TCHH: variants seen among roughly 807,000 people sequenced by gnomAD.
TCHH encodes trichohyalin.
TCHH carries 6 observed loss-of-function variants against 6.3 expected under a neutral mutation model. The ratio of observed to expected loss-of-function variants is 0.95; its 90% CI spans 0.52 to 1.88. The LOEUF (loss-of-function observed/expected upper bound fraction) is 1.88. Among genes scored for constraint, TCHH ranks in the 40% most tolerant of loss-of-function variants. TCHH has a pLI of 0.01. For synonymous variants in TCHH, 1,087 were observed against 963.6 expected (o/e 1.13, Z -2.37); for missense variants, 2,920 against 2,449.1 (o/e 1.19, Z -4.06).
At position 152,110,347 on chromosome 1, in the gene TCHH, T is replaced by C. The variant is rs1256517070; in HGVS notation, c.2870A>G (p.Glu957Gly). 1 of 1,611,216 alleles carries C rather than the reference T, an allele frequency of 6.2e-7. No homozygotes were observed. Among genetic ancestry groups the C allele is most frequent in the South Asian group, 1.1e-5 (1 of 90,516 alleles). ...CTTCTTATCCTTCCGATATTGCCTTTCCCGCTCCTGGCGTCTTCTTTTCTC... is the reference window on the plus strand; with the variant it reads ...CTTCTTATCCTTCCGATATTGCCTTCCCCGCTCCTGGCGTCTTCTTTTCTC... ...EREKRRRQER[E>G]RQYRKDKKLQ... Residue 957 changes from glutamate to glycine, a missense_variant, in exon 3 of 3, where the codon GAA becomes GGA. By Grantham distance (98) the Glu-to-Gly change is moderately conservative (BLOSUM62 -2). Transcript: ENST00000614923.
rs1413882842 is a variant in TCHH, at chr1:152,108,289, C to T, written c.4928G>A (p.Arg1643Lys). The change falls in exon 3 of 3, where the codon AGA becomes AAA. Residue 1643 changes from arginine to lysine, a missense_variant. Arg to Lys is a conservative substitution (Grantham distance 26, BLOSUM62 2). Coordinates refer to ENST00000614923, the MANE Select transcript of TCHH (RefSeq NM_007113.4). ...CTGCGGTTCCTCCTCGAGGAATTTT[C>T]TGTCACGCTCTTGGCGGTGCAGCTG... ...EQQLHRQERD[R>K]KFLEEEPQLR... 3 of 1,613,030 alleles carry T rather than the reference C, an allele frequency of 1.9e-6. No individual in the cohort carries two copies. Among genetic ancestry groups the T allele is most frequent in the Non-Finnish European group, 2.5e-6 (3 of 1,179,744 alleles).
In TCHH at chr1:152,107,482, A is replaced by C; in HGVS notation, c.5735T>G (p.Leu1912Arg). ...KSQEGKGHGR[L>R]LEPGTHQFAS... ...AAACTGATGAGTGCCGGGCTCCAGA[A>C]GCCGCCCATGGCCCTTCCCTTCTTG... is the stretch of plus-strand genomic sequence containing the variant. Residue 1912 changes from leucine (L) to arginine (R), a missense_variant, in exon 3 of 3, where the codon CTT (leucine) becomes CGT (arginine). Transcript: ENST00000614923. 1 of 1,614,186 alleles carries C rather than the reference A, an allele frequency of 6.2e-7. No individual in the cohort carries two copies. The highest frequency in any genetic ancestry group is 1.3e-5 in the African/African-American group (1 of 75,048).
chr1:152,109,685 G>C lies in TCHH; in HGVS notation c.3532C>G (p.Gln1178Glu), dbSNP rs1025408511. The change falls in exon 3 of 3, where the codon CAG (glutamine) becomes GAG (glutamate). Residue 1178 changes from glutamine (Q) to glutamate (E), a missense_variant. Transcript: ENST00000614923. ...RQYREEEELQ[Q>E]EEEQLLREEQ... is the part of the protein sequence containing the mutation. ...TCTCTCAGCAGCTGCTCTTCCTCCT[G>C]CTGCAGCTCCTCTTCCTCGCGGTAT... is the stretch of plus-strand genomic sequence containing the variant. 1.2e-6 allele frequency: 2 copies of C among 1,606,318 alleles called. No individual in the cohort carries two copies. The highest frequency in any genetic ancestry group is 1.7e-6 in the Non-Finnish European group (2 of 1,176,486).
intron 2 of TCHH, among the ~76,000 whole-genome samples, chr1:152,113,496 GAGAT>G (rs1408441264): frequency 2.0e-5 from 3 of 152,230 alleles, no homozygotes; most frequent in Non-Finnish European, 4.4e-5. Flanking sequence ...ATCCTTGAGA[GAGAT>G]ACAATAGAAA....
At position 152,108,009 on chromosome 1, in the gene TCHH, C is replaced by T. The variant is rs758041928; in HGVS notation, c.5208G>A (p.Glu1736=). The change falls in exon 3 of 3, where the codon GAG becomes GAA. Residue 1736 remains glutamate, a synonymous_variant. Transcript: ENST00000614923. The part of the protein sequence containing the change: ...REEEQLRQET[E]QEQLRRQERY... ...GTTCTTGGCGGCGCAGCTGCTCTTG[C>T]TCCGTTTCTTGGCGCAGCTGTTCCT... 11 of 1,612,576 alleles carry T rather than the reference C, an allele frequency of 6.8e-6. No individual in the cohort carries two copies. Among genetic ancestry groups the T allele is most frequent in the Middle Eastern group, 1.6e-4 (1 of 6,072 alleles).
rs761449523 is a variant in TCHH, at chr1:152,112,882, TC to T, written c.334del (p.Asp112IlefsTer37). 6.2e-7 allele frequency: 1 copy of T among 1,613,948 alleles called. No homozygotes were observed. The highest frequency in any genetic ancestry group is 8.5e-7 in the Non-Finnish European group (1 of 1,180,006). On this transcript the variant is annotated frameshift_variant, in exon 3 of 3. Coordinates refer to ENST00000614923, the MANE Select transcript of TCHH (RefSeq NM_007113.4). LOFTEE classifies it low-confidence loss of function (END_TRUNC). ...CCTTTGGTCTTCTTCTTGCCTGCGA[TC>T]TTGTAACAGGCTCTCCTTTCCGTCA... Reference protein sequence around the residue: ...RCDGKESLLQDRRQEEDQRRF... With the variant: ...RCDGKESLLQXRRQEEDQRRF...
chr1:152,113,331 C>T (rs1658437026), intron 2 of TCHH, among the ~76,000 whole-genome samples: 1 of 152,120 alleles, frequency 6.6e-6, no homozygotes. Flanking sequence ...AAGAGAGACA[C>T]AAAGTAGAAT....
chr1:152,114,106 G>A lies in TCHH; in HGVS notation c.-26C>T. The A allele has an allele frequency of 6.3e-7, 1 of 1,592,538 alleles. No homozygotes were observed. Among genetic ancestry groups the A allele is most frequent in the Non-Finnish European group, 8.5e-7 (1 of 1,173,440 alleles). ...TTTTTTTTCTTTCCTTCAAGTTCAA[G>A]TAAACCTAGAACAATAAAATAAGAT... On this transcript the variant is annotated 5_prime_UTR_variant, in exon 2 of 3. Transcript: ENST00000614923.
chr1:152,111,215 G>A lies in TCHH; in HGVS notation c.2002C>T (p.Leu668Phe), dbSNP rs1658331328. 1 of 1,610,178 alleles carries A rather than the reference G, an allele frequency of 6.2e-7. No homozygotes were observed. Among genetic ancestry groups the A allele is most frequent in the Non-Finnish European group, 8.5e-7 (1 of 1,178,782 alleles). Residue 668 changes from leucine (L) to phenylalanine (F), a missense_variant, in exon 3 of 3, where the codon CTC (leucine) becomes TTC (phenylalanine). Leu to Phe is a conservative substitution (Grantham distance 22). Transcript: ENST00000614923. ...RLKREEEEERLEQRLKREHEE... is the reference protein window; with the variant it reads ...RLKREEEEERFEQRLKREHEE... Reference sequence around the variant, plus strand: ...TGCTCGCGCTTCAGCCGCTGCTCGAGCCTCTCTTCCTCCTCCTCGCGCTTC... The same window carrying A: ...TGCTCGCGCTTCAGCCGCTGCTCGAACCTCTCTTCCTCCTCCTCGCGCTTC...
Position 152,108,773 on chromosome 1 carries a change from C to G in TCHH, c.4444G>C (p.Glu1482Gln). ...EREEQQLHRQ[E>Q]RDRKFLEEEQ... Reference sequence around the variant, plus strand: ...TCCTCCAGGAATTTTCTGTCACGCTCTTGGCGGTGCAGCTGCTGTTCTTCC... The same window carrying G: ...TCCTCCAGGAATTTTCTGTCACGCTGTTGGCGGTGCAGCTGCTGTTCTTCC... Residue 1482 changes from glutamate to glutamine, a missense_variant, in exon 3 of 3, where the codon GAG becomes CAG. By Grantham distance (29) the Glu-to-Gln change is conservative. Transcript: ENST00000614923. The G allele has an allele frequency of 1.9e-6, 3 of 1,613,514 alleles. No homozygotes were observed. The highest frequency in any genetic ancestry group is 2.5e-6 in the Non-Finnish European group (3 of 1,179,912).
At position 152,107,623 on chromosome 1, in the gene TCHH, C is replaced by T. The variant is rs1334161241; in HGVS notation, c.5594G>A (p.Trp1865Ter). 1 of 1,614,000 alleles carries T rather than the reference C, an allele frequency of 6.2e-7. No individual in the cohort carries two copies. The highest frequency in any genetic ancestry group is 8.5e-7 in the Non-Finnish European group (1 of 1,180,048). Residue 1865 changes from tryptophan (W) to a stop codon, truncating the protein, a stop_gained, in exon 3 of 3, where the codon TGG becomes TAG. Coordinates refer to ENST00000614923, the MANE Select transcript of TCHH (RefSeq NM_007113.4). LOFTEE classifies it low-confidence loss of function (END_TRUNC). Reference sequence around the variant, plus strand: ...GCGACGTTTCTGCTCCTCTTCTTGCCATAGTTCTTGTTCCTCACGACGACT... The same window carrying T: ...GCGACGTTTCTGCTCCTCTTCTTGCTATAGTTCTTGTTCCTCACGACGACT... ...EKSRREEQEL[W>*]QEEEQKRRQE...
rs536719010 is a variant in TCHH at position 152,107,126 on chromosome 1, T to A, written c.*259A>T. 2.7e-4 allele frequency: 91 copies of A among 340,992 alleles called. No homozygotes were observed. Among genetic ancestry groups the A allele is most frequent in the African/African-American group, 6.1e-4 (29 of 47,412 alleles). 21.1% of individuals were successfully genotyped at this position (340,992 alleles called of 1,614,324 possible). On this transcript the variant is annotated 3_prime_UTR_variant, in exon 3 of 3. Coordinates refer to ENST00000614923, the MANE Select transcript of TCHH (RefSeq NM_007113.4). Reference sequence around the variant, plus strand: ...CTTAAACAAATTAAATGATTTATATTTTTTTTAAATGCACACCACATCTGC... The same window carrying A: ...CTTAAACAAATTAAATGATTTATATATTTTTTAAATGCACACCACATCTGC...
At position 152,108,561 on chromosome 1, in the gene TCHH, GTCCTGACGCCGCTGTTGCCCGCGC is replaced by G; in HGVS notation, c.4632_4655del (p.Glu1544_Gln1551del). The stretch of plus-strand genomic sequence containing the variant: ...CCTCCTCGCGGAATTTTCTGTCACG[GTCCTGACGCCGCTGTTGCCCGCGC>G]TCCTGGCGGCGCAGCTGCTGTTCCT... On this transcript the variant is annotated inframe_deletion, in exon 3 of 3. Coordinates refer to ENST00000614923, the MANE Select transcript of TCHH (RefSeq NM_007113.4). The G allele has an allele frequency of 1.3e-6, 2 of 1,582,396 alleles. No individual in the cohort carries two copies. Among genetic ancestry groups the G allele is most frequent in the Non-Finnish European group, 1.7e-6 (2 of 1,168,204 alleles).
Position 152,112,456 on chromosome 1 carries a change from C to T in TCHH, c.761G>A (p.Arg254Gln), listed in dbSNP as rs1658410516. 3.1e-6 allele frequency: 5 copies of T among 1,613,550 alleles called. No homozygotes were observed. Among genetic ancestry groups the T allele is most frequent in the Non-Finnish European group, 3.4e-6 (4 of 1,179,990 alleles). Reference protein sequence around the residue: ...KEWRKRETVLRKEEEKLQEEE... With the variant: ...KEWRKRETVLQKEEEKLQEEE... ...TTCCTGCAACTTCTCTTCTTCCTTC[C>T]GGAGCACTGTCTCGCGCTTCCTCCA... Residue 254 changes from arginine (R) to glutamine (Q), a missense_variant, in exon 3 of 3, where the codon CGG (arginine) becomes CAG (glutamine). Arg to Gln is a conservative substitution (Grantham distance 43). Transcript: ENST00000614923.
chr1:152,110,483 C>G lies in TCHH; in HGVS notation c.2734G>C (p.Glu912Gln). Reference protein sequence around the residue: ...EQQLLQEEEEELQREEREKRR... With the variant: ...EQQLLQEEEEQLQREEREKRR... ...TTCTCGCGCTCCTCTCTCTGTAGCT[C>G]CTCCTCCTCCTCCTGCAGCAGCTGC... The change falls in exon 3 of 3, where the codon GAG (glutamate) becomes CAG (glutamine). Residue 912 changes from glutamate to glutamine, a missense_variant. Coordinates refer to ENST00000614923, the MANE Select transcript of TCHH (RefSeq NM_007113.4). The G allele has an allele frequency of 6.2e-7, 1 of 1,610,676 alleles. No individual in the cohort carries two copies. Among genetic ancestry groups the G allele is most frequent in the Middle Eastern group, 1.7e-4 (1 of 6,050 alleles).
In TCHH at chr1:152,109,794, C is replaced by A; in HGVS notation, c.3423G>T (p.Arg1141=). 6.3e-7 allele frequency: 1 copy of A among 1,582,342 alleles called. No individual in the cohort carries two copies. The highest frequency in any genetic ancestry group is 8.6e-7 in the Non-Finnish European group (1 of 1,162,140). ...RRRQELERQY[R]EEEEVQQEEE... ...CCTCCTGCTGCACCTCCTCTTCCTC[C>A]CGATATTGCCTCTCCAGCTCCTGGC... The change falls in exon 3 of 3, where the codon CGG becomes CGT. Residue 1141 remains arginine, a synonymous_variant. Coordinates refer to ENST00000614923, the MANE Select transcript of TCHH (RefSeq NM_007113.4).
Position 152,108,940 on chromosome 1 carries a change from TGGC to T in TCHH, c.4274_4276del (p.Arg1425del), listed in dbSNP as rs748270975. ...TTCACGGAATTTTCTGTCACGCTCT[TGGC>T]GGCTCAGCTGCTGTTCCTCCTCGCG... On this transcript the variant is annotated inframe_deletion, in exon 3 of 3. Coordinates refer to ENST00000614923, the MANE Select transcript of TCHH (RefSeq NM_007113.4). 4 of 1,613,306 alleles carry T rather than the reference TGGC, an allele frequency of 2.5e-6. No individual in the cohort carries two copies. The African/African-American group carries it at 5.4e-5, about 22-fold the overall frequency.
chr1:152,111,429 C>T lies in TCHH; in HGVS notation c.1788G>A (p.Glu596=), dbSNP rs757015941. 2.7e-5 allele frequency: 43 copies of T among 1,610,364 alleles called. No homozygotes were observed. The Middle Eastern group carries it at 6.6e-4, about 25-fold the overall frequency. Residue 596 remains glutamate, a synonymous_variant, in exon 3 of 3, where the codon GAG becomes GAA. Transcript: ENST00000614923. The part of the protein sequence containing the change: ...RQQRLKREQE[E]RLEQRLKREE... Reference sequence around the variant, plus strand: ...CGCGCTTCAGTCGCTGCTCGAGCCTCTCTTCCTGCTCGCGCTTCAGCCGCT... The same window carrying T: ...CGCGCTTCAGTCGCTGCTCGAGCCTTTCTTCCTGCTCGCGCTTCAGCCGCT...
rs144030050 is a variant in TCHH at position 152,110,285 on chromosome 1, G to A, written c.2932C>T (p.Pro978Ser). 7.0e-4 allele frequency: 1,135 copies of A among 1,610,272 alleles called. 3 individuals are homozygous for A. Among genetic ancestry groups the A allele is most frequent in the Middle Eastern group, 3.0e-3 (18 of 6,040 alleles). ...QKEEQLLGEE[P>S]EKRRRQEREK... is the part of the protein sequence containing the mutation. ...CGCTCCTGGCGCCTTCTCTTCTCCG[G>A]TTCCTCTCCCAGCAGCTGCTCTTCC... is the stretch of plus-strand genomic sequence containing the variant. The change falls in exon 3 of 3, where the codon CCG (proline) becomes TCG (serine). Residue 978 changes from proline to serine, a missense_variant. Transcript: ENST00000614923.
Sources: gnomAD v4.1 joint callset for allele counts (sites outside exome capture counted in the v4.1 genomes callset) on GRCh38, gnomAD v4.1.1 for gene constraint, MANE v1.5 for transcripts, NCBI Gene and HGNC (gene_info 2026-07-23, HGNC 2026-07-21) for gene names.